The following SCHIP1 variants were observed in gnomAD, a reference collection of about 807,000 sequenced individuals.
SCHIP1 encodes the protein schwannomin interacting protein 1.
SCHIP1 carries 8 observed loss-of-function variants against 29.7 expected under a neutral mutation model. The ratio of observed to expected loss-of-function variants is 0.27; its 90% CI spans 0.16 to 0.49. SCHIP1 has a LOEUF of 0.49. Among genes scored for constraint, SCHIP1 ranks in the 20% least tolerant of loss-of-function variants. The pLI is 0.99. For missense variants in SCHIP1, 193 were observed against 294.6 expected (o/e 0.66, Z 2.52); for synonymous variants, 76 against 94.9 (o/e 0.80, Z 1.16).
chr3:159,772,497 A>G, the SCHIP1 span, among the ~76,000 whole-genome samples: 37,157 of 152,176 alleles, frequency 0.24, 4,814 homozygotes, highest in East Asian at 0.45. Flanking sequence ...ATGTCTCTTA[A>G]CAGTCCAACT....
At chr3:159,596,527 T>C in the SCHIP1 span, among the ~76,000 whole-genome samples, 7 of 152,288 alleles carry the variant, frequency 4.6e-5, no homozygotes, top group Non-Finnish European at 8.8e-5. Flanking sequence ...CTATTCACAA[T>C]AGCAAAGACT....
chr3:159,854,947 C>CT (rs1268119607), intron 1 of SCHIP1, among the ~76,000 whole-genome samples: 1 of 152,206 alleles, frequency 6.6e-6, no homozygotes, highest in Non-Finnish European at 1.5e-5. Context: ...CTGACTAAAG[C>CT]TACAGACATG....
At chr3:159,615,413 A>T in the SCHIP1 span, among the ~76,000 whole-genome samples, 2 of 152,228 alleles carry the variant, frequency 1.3e-5, no homozygotes, top group African/African-American at 4.8e-5. Flanking sequence ...CAGTAGAGGA[A>T]AAGACAGCCA....
the SCHIP1 span, among the ~76,000 whole-genome samples, chr3:159,351,834 A>T: frequency 2.8e-3 from 432 of 152,258 alleles, no homozygotes; most frequent in African/African-American, 9.9e-3. Flanking sequence ...GAGACCTCAG[A>T]TATGAAGGGA....
intron 1 of SCHIP1, among the ~76,000 whole-genome samples, chr3:159,850,778 A>G (rs1469744037): frequency 6.6e-6 from 1 of 152,114 alleles, no homozygotes; most frequent in Non-Finnish European, 1.5e-5. Flanking sequence ...ACCAGATCTC[A>G]TGAGAACTCT....
At chr3:159,387,155 G>T in the SCHIP1 span, 2 of 183,558 alleles carry the variant, frequency 1.1e-5, no homozygotes, top group South Asian at 1.9e-4. Context: ...GGAGAGCTTG[G>T]CCAGGGTGAT....
the SCHIP1 span, among the ~76,000 whole-genome samples, chr3:159,426,749 C>G: frequency 6.6e-6 from 1 of 152,144 alleles, no homozygotes; most frequent in African/African-American, 2.4e-5. Flanking sequence ...AATTTTAGAC[C>G]GATATCCTTG....
intron 1 of SCHIP1, chr3:159,853,506 A>G (rs1480140649): frequency 1.5e-6 from 1 of 667,706 alleles, no homozygotes; most frequent in South Asian, 1.7e-5. Flanking sequence ...CCATTTTTCT[A>G]ACTGGAGAAA....
chr3:159,566,763 C>T, the SCHIP1 span, among the ~76,000 whole-genome samples: 1 of 152,138 alleles, frequency 6.6e-6, no homozygotes, highest in African/African-American at 2.4e-5. Flanking sequence ...AAATGGCAGA[C>T]AACGGCATCA....
At chr3:159,590,863 T>G in the SCHIP1 span, among the ~76,000 whole-genome samples, 29 of 152,314 alleles carry the variant, frequency 1.9e-4, no homozygotes, top group East Asian at 5.0e-3. Flanking sequence ...TGTCTTTCCT[T>G]TCTTCTGCAT....
the SCHIP1 span, among the ~76,000 whole-genome samples, chr3:159,379,607 A>G: frequency 6.6e-6 from 1 of 152,290 alleles, no homozygotes; most frequent in Non-Finnish European, 1.5e-5. Flanking sequence ...TGAGTGTGCA[A>G]CACTAATCAC....
the SCHIP1 span, among the ~76,000 whole-genome samples, chr3:159,729,193 GA>G: frequency 1.2e-4 from 18 of 151,952 alleles, no homozygotes; most frequent in Non-Finnish European, 1.9e-4. Context: ...AAAGAAAATA[GA>G]AGTGTTCCAG....
At chr3:159,309,063 C>T in the SCHIP1 span, 2 of 152,956 alleles carry the variant, frequency 1.3e-5, no homozygotes, top group Admixed American at 6.6e-5. Context: ...GGGCTATGCT[C>T]ACTACTAGGG....
chr3:159,594,057 C>T, the SCHIP1 span, among the ~76,000 whole-genome samples: 104 of 152,322 alleles, frequency 6.8e-4, no homozygotes, highest in African/African-American at 1.1e-3. Context: ...TGCTAACTCC[C>T]GGTTTCCCCT....
the SCHIP1 span, among the ~76,000 whole-genome samples, chr3:159,421,292 G>T: frequency 6.6e-6 from 1 of 152,190 alleles, no homozygotes; most frequent in East Asian, 1.9e-4. Flanking sequence ...TCTGCTCTGT[G>T]TATTGCTGTA....
the SCHIP1 span, among the ~76,000 whole-genome samples, chr3:159,619,818 G>A: frequency 9.9e-5 from 15 of 152,254 alleles, no homozygotes; most frequent in African/African-American, 2.6e-4. Flanking sequence ...GCAGTGCTTC[G>A]TGTAACATCA....
the SCHIP1 span, among the ~76,000 whole-genome samples, chr3:159,688,209 T>G: frequency 2.7e-4 from 41 of 152,314 alleles, no homozygotes; most frequent in South Asian, 8.3e-3. Context: ...TAACTTATAC[T>G]CCCACCAACA....
At chr3:159,604,589 A>G in the SCHIP1 span, among the ~76,000 whole-genome samples, 1 of 152,188 alleles carries the variant, frequency 6.6e-6, no homozygotes, top group Non-Finnish European at 1.5e-5. Flanking sequence ...CTTACTAGGG[A>G]AGTTATTCAA....
At chr3:159,351,425 C>T in the SCHIP1 span, among the ~76,000 whole-genome samples, 3 of 152,140 alleles carry the variant, frequency 2.0e-5, no homozygotes, top group Non-Finnish European at 4.4e-5. Flanking sequence ...TAATCCAACA[C>T]ATAATTACTT....
Sources: gnomAD v4.1 joint callset for allele counts (sites outside exome capture counted in the v4.1 genomes callset) on GRCh38, gnomAD v4.1.1 for gene constraint, MANE v1.5 for transcripts, NCBI Gene and HGNC (gene_info 2026-07-23, HGNC 2026-07-21) for gene names.